MARCHF4: variants seen among roughly 807,000 people sequenced by gnomAD.
MARCHF4 encodes the protein membrane associated ring-CH-type finger 4.
A neutral mutation model predicts 43.9 loss-of-function variants in MARCHF4; 14 were observed. The observed-to-expected ratio is 0.32, with a 90% CI of 0.21 to 0.50. The LOEUF is 0.50. Among genes scored for constraint, MARCHF4 ranks in the 20% least tolerant of loss-of-function variants. The pLI is 0.98. For synonymous variants in MARCHF4, 226 were observed against 213.3 expected (o/e 1.06, Z -0.52); for missense variants, 468 against 536.7 (o/e 0.87, Z 1.27).
intron 3 of MARCHF4, among the ~76,000 whole-genome samples, chr2:216,271,216 C>T (rs540999503): frequency 6.6e-6 from 1 of 152,324 alleles, no homozygotes; most frequent in Admixed American, 6.5e-5. Context: ...CCCAGCCTGA[C>T]TATTTGCATT....
chr2:216,322,072 C>T (rs374811101), intron 1 of MARCHF4, among the ~76,000 whole-genome samples: 5 of 152,272 alleles, frequency 3.3e-5, no homozygotes, highest in African/African-American at 1.2e-4. Flanking sequence ...AAGCATTGTG[C>T]ACAATGAGGT....
intron 2 of MARCHF4, among the ~76,000 whole-genome samples, chr2:216,279,970 C>CA (rs1691102379): frequency 3.3e-5 from 5 of 152,122 alleles, no homozygotes; most frequent in Admixed American, 3.3e-4. Flanking sequence ...CTCTAGACTT[C>CA]AAAAATGCCA....
intron 1 of MARCHF4, among the ~76,000 whole-genome samples, chr2:216,357,233 G>C (rs193264016): frequency 1.3e-5 from 2 of 152,238 alleles, no homozygotes; most frequent in African/African-American, 4.8e-5. Flanking sequence ...ATACAATCCA[G>C]ATTATACATT....
chr2:216,319,366 G>A (rs912745150), intron 1 of MARCHF4, among the ~76,000 whole-genome samples: 1 of 152,102 alleles, frequency 6.6e-6, no homozygotes, highest in East Asian at 1.9e-4. Context: ...GCAATGGACA[G>A]GGGGTGCTTC....
chr2:216,367,202 A>G (rs1211331057), intron 1 of MARCHF4, among the ~76,000 whole-genome samples: 5 of 152,176 alleles, frequency 3.3e-5, no homozygotes, highest in African/African-American at 1.2e-4. Context: ...CTAAGATTGC[A>G]GCCCACATTT....
intron 1 of MARCHF4, among the ~76,000 whole-genome samples, chr2:216,287,849 G>C (rs544856209): frequency 2.8e-4 from 42 of 151,912 alleles, no homozygotes; most frequent in East Asian, 3.9e-4. Context: ...TTGTTTTTGA[G>C]TGTCTGTTCA....
chr2:216,296,853 T>C (rs904781890), intron 1 of MARCHF4, among the ~76,000 whole-genome samples: 2 of 152,120 alleles, frequency 1.3e-5, no homozygotes, highest in Non-Finnish European at 2.9e-5. Flanking sequence ...GGTGGCGTAA[T>C]GGGGCAGCAC....
intron 1 of MARCHF4, among the ~76,000 whole-genome samples, chr2:216,361,107 T>C (rs1000305635): frequency 6.6e-6 from 1 of 152,092 alleles, no homozygotes; most frequent in Non-Finnish European, 1.5e-5. Context: ...AATAGACACA[T>C]ACAAATATAA....
At chr2:216,283,536 C>T (rs1426216927) in intron 2 of MARCHF4, 38 bp downstream of exon 2, 26 of 1,553,412 alleles carry the variant, frequency 1.7e-5, no homozygotes, top group Non-Finnish European at 2.0e-5. Context: ...GTGGAAGCCC[C>T]AGGCCCAGCA....
intron 1 of MARCHF4, among the ~76,000 whole-genome samples, chr2:216,291,128 A>T (rs1347134674): frequency 6.6e-6 from 1 of 152,112 alleles, no homozygotes; most frequent in Admixed American, 6.5e-5. Context: ...TCGCTAGAGG[A>T]TGCCAATGTT....
At chr2:216,321,138 G>C (rs534064701) in intron 1 of MARCHF4, among the ~76,000 whole-genome samples, 20 of 152,132 alleles carry the variant, frequency 1.3e-4, no homozygotes, top group African/African-American at 4.3e-4. Context: ...GCTTCCTACT[G>C]TCTGTAGGAA....
intron 1 of MARCHF4, among the ~76,000 whole-genome samples, chr2:216,326,746 G>T (rs1691999087): frequency 1.3e-5 from 2 of 150,678 alleles, no homozygotes; most frequent in Non-Finnish European, 2.9e-5. Flanking sequence ...TCACTCATAG[G>T]TGGGAATTGA....
intron 3 of MARCHF4, among the ~76,000 whole-genome samples, chr2:216,270,782 A>C (rs1277293218): frequency 6.6e-6 from 1 of 152,046 alleles, no homozygotes; most frequent in African/African-American, 2.4e-5. Context: ...CACTCAAGCC[A>C]CACTCTGGGA....
rs138884117 is a variant in MARCHF4 at position 216,282,870 on chromosome 2, C to T, written c.672+704G>A. Among the ~76,000 whole-genome samples the T allele has an allele frequency of 5.5e-3, 837 of 152,278 alleles. 3 individuals are homozygous for T. Among genetic ancestry groups the T allele is most frequent in the African/African-American group, 0.019 (773 of 41,550 alleles). On this transcript the variant is annotated intron_variant, in intron 2 of 3. Transcript: ENST00000273067. ...CTTCTATTTCTTATTGCTCTTATTC[C>T]CATTTTTCTCTGCCTCCCTCTCCTG...
At position 216,295,742 on chromosome 2, in the gene MARCHF4, T is replaced by C. The variant is rs185981192; in HGVS notation, c.517-12013A>G. On this transcript the variant is annotated intron_variant, in intron 1 of 3. Transcript: ENST00000273067. ...TTCATCAGTCTGAAATCTGAGAGTG[T>C]GTATTTGCCTGGGAGCCTAGATCAT... Among the ~76,000 whole-genome samples the C allele has an allele frequency of 3.5e-3, 536 of 152,334 alleles. 5 individuals are homozygous for C. The highest frequency in any genetic ancestry group is 6.8e-3 in the Middle Eastern group (2 of 294).
intron 1 of MARCHF4, among the ~76,000 whole-genome samples, chr2:216,322,859 C>T (rs1464260342): frequency 6.6e-6 from 1 of 152,182 alleles, no homozygotes; most frequent in Non-Finnish European, 1.5e-5. Context: ...ACACAGGTGA[C>T]CCAGCTGGGT....
intron 1 of MARCHF4, among the ~76,000 whole-genome samples, chr2:216,338,893 C>T (rs1043328260): frequency 1.3e-5 from 2 of 152,206 alleles, no homozygotes; most frequent in Admixed American, 6.5e-5. Context: ...CAAGTGAGTG[C>T]TCTTATTATC....
intron 1 of MARCHF4, among the ~76,000 whole-genome samples, chr2:216,338,495 C>G (rs1692190876): frequency 1.3e-5 from 2 of 152,158 alleles, no homozygotes; most frequent in Non-Finnish European, 2.9e-5. Context: ...CTTGACAGCC[C>G]TTCCTCAGTG....
chr2:216,362,898 A>G (rs1044965578), intron 1 of MARCHF4, among the ~76,000 whole-genome samples: 11 of 152,172 alleles, frequency 7.2e-5, no homozygotes, highest in African/African-American at 2.4e-4. Context: ...TGGGCCATAC[A>G]GTATTTTCTT....
Sources: gnomAD v4.1 joint callset for allele counts (sites outside exome capture counted in the v4.1 genomes callset) on GRCh38, gnomAD v4.1.1 for gene constraint, MANE v1.5 for transcripts, NCBI Gene and HGNC (gene_info 2026-07-23, HGNC 2026-07-21) for gene names.